The following FBXL4 variants were observed in gnomAD, a reference collection of about 807,000 sequenced individuals.
FBXL4 encodes F-box and leucine rich repeat protein 4.
A neutral mutation model predicts 58.9 loss-of-function variants in FBXL4; 40 were observed. The observed-to-expected ratio is 0.68, with a 90% CI of 0.53 to 0.88. The LOEUF (loss-of-function observed/expected upper bound fraction) is 0.88, where lower values mean the gene tolerates loss of function less well. Ranked by LOEUF, FBXL4 falls within the 40% of genes least tolerant of loss-of-function variation. The pLI is 0.00. For missense variants in FBXL4, 676 were observed against 734.4 expected (o/e 0.92, Z 0.92); for synonymous variants, 263 against 265.5 (o/e 0.99, Z 0.09).
At chr6:98,925,737 C>A (rs559343933) in intron 4 of FBXL4, among the ~76,000 whole-genome samples, 1 of 152,276 alleles carries the variant, frequency 6.6e-6, no homozygotes, top group East Asian at 1.9e-4. Flanking sequence ...GATAAATATG[C>A]TTACTTTTGT....
intron 4 of FBXL4, among the ~76,000 whole-genome samples, chr6:98,920,819 T>TACACACACACAC (rs10633715): frequency 7.6e-5 from 11 of 144,844 alleles, no homozygotes; most frequent in African/African-American, 2.3e-4. Flanking sequence ...TACACACACA[T>TACACACACACAC]ACACACACAC....
chr6:98,921,534 C>T (rs1398875912), intron 4 of FBXL4, among the ~76,000 whole-genome samples: 1 of 151,882 alleles, frequency 6.6e-6, no homozygotes, highest in Non-Finnish European at 1.5e-5. Flanking sequence ...CTATTCACTC[C>T]CTGCCTCCCA....
intron 6 of FBXL4, among the ~76,000 whole-genome samples, chr6:98,904,192 A>C (rs995887499): frequency 6.6e-6 from 1 of 152,174 alleles, no homozygotes; most frequent in Non-Finnish European, 1.5e-5. Flanking sequence ...TGGTCCTATT[A>C]GCAGAGAAAA....
At chr6:98,913,835 TAG>T (rs1772208168) in intron 5 of FBXL4, among the ~76,000 whole-genome samples, 1 of 151,544 alleles carries the variant, frequency 6.6e-6, no homozygotes, top group African/African-American at 2.4e-5. Flanking sequence ...CTGAAGGAAA[TAG>T]AGACATAAAA....
At chr6:98,876,868 A>T (rs1770681696) in intron 8 of FBXL4, among the ~76,000 whole-genome samples, 1 of 152,144 alleles carries the variant, frequency 6.6e-6, no homozygotes. Context: ...TAGACCATGA[A>T]GGAGTTAGAT....
Position 98,927,064 on chromosome 6 carries a change from A to C in FBXL4, c.-72-4T>G, listed in dbSNP as rs948688398. The stretch of plus-strand genomic sequence containing the variant: ...CATGAACTCTTTGAAGGATGTTCTA[A>C]AAAAATGAATGGCTTGGTGAAGTAA... On this transcript the variant is annotated splice_polypyrimidine_tract_variant and splice_region_variant and intron_variant, in intron 3 of 9. Coordinates refer to ENST00000369244, the MANE Select transcript of FBXL4 (RefSeq NM_001278716.2). 3 of 1,429,696 alleles carry C rather than the reference A, an allele frequency of 2.1e-6. No individual in the cohort carries two copies. The African/African-American group carries it at 4.3e-5, about 20-fold the overall frequency. The allele number at this position is 1,429,696 out of a possible 1,614,324, so 88.6% of individuals were successfully genotyped here. A position where few individuals can be genotyped will look rare whatever the true frequency, so the allele number is the denominator to read the frequency against.
intron 1 of FBXL4, among the ~76,000 whole-genome samples, chr6:98,942,967 C>A (rs1330634516): frequency 1.3e-5 from 2 of 152,000 alleles, no homozygotes; most frequent in African/African-American, 4.8e-5. Flanking sequence ...TACAAGGTAA[C>A]CTTGTGATGG....
chr6:98,882,374 C>G (rs1031230952), intron 7 of FBXL4, among the ~76,000 whole-genome samples: 1 of 151,748 alleles, frequency 6.6e-6, no homozygotes, highest in African/African-American at 2.4e-5. Flanking sequence ...ATTATGTATC[C>G]ATAAGTAGCA....
At chr6:98,908,491 G>GTA (rs759736020) in intron 5 of FBXL4, among the ~76,000 whole-genome samples, 1 of 152,090 alleles carries the variant, frequency 6.6e-6, no homozygotes, top group African/African-American at 2.4e-5. Context: ...TATTATGCAT[G>GTA]TATGTTCATC....
At chr6:98,946,741 A>G (rs1773632603) in intron 1 of FBXL4, among the ~76,000 whole-genome samples, 1 of 152,228 alleles carries the variant, frequency 6.6e-6, no homozygotes, top group Non-Finnish European at 1.5e-5. Context: ...GAACATAAGT[A>G]TGGAAAGAAG....
At chr6:98,909,719 T>G (rs1404451964) in intron 5 of FBXL4, among the ~76,000 whole-genome samples, 1 of 152,150 alleles carries the variant, frequency 6.6e-6, no homozygotes, top group Non-Finnish European at 1.5e-5. Context: ...ACACTGTCAG[T>G]ATCTCATGCT....
intron 7 of FBXL4, among the ~76,000 whole-genome samples, chr6:98,896,446 T>C (rs1169678724): frequency 6.6e-6 from 1 of 152,190 alleles, no homozygotes; most frequent in Non-Finnish European, 1.5e-5. Context: ...TGTGGGACTC[T>C]GATACAGATC....
In FBXL4 at chr6:98,873,882, G is replaced by A. The variant is rs1190105094; in HGVS notation, c.*396C>T. The A allele has an allele frequency of 6.4e-6, 1 of 155,542 alleles. No individual in the cohort carries two copies. The highest frequency in any genetic ancestry group is 1.4e-5 in the Non-Finnish European group (1 of 70,598). 9.6% of individuals were successfully genotyped at this position (155,542 alleles called of 1,614,324 possible). A position where few individuals can be genotyped will look rare whatever the true frequency, so the allele number is the denominator to read the frequency against. On this transcript the variant is annotated 3_prime_UTR_variant, in exon 10 of 10. Coordinates refer to ENST00000369244, the MANE Select transcript of FBXL4 (RefSeq NM_001278716.2). ...CAAACAAAACACTTGCCAGGTCACA[G>A]GCTTAATAAGACATCCTTACATGAA...
At chr6:98,901,793 A>G (rs1771621754) in intron 6 of FBXL4, among the ~76,000 whole-genome samples, 1 of 152,262 alleles carries the variant, frequency 6.6e-6, no homozygotes, top group South Asian at 2.1e-4. Context: ...GCATAATTAC[A>G]TATATGTATT....
chr6:98,897,410 T>A, intron 7 of FBXL4: 1 of 922,740 alleles, frequency 1.1e-6, no homozygotes, highest in Middle Eastern at 5.6e-4. Flanking sequence ...AAATAAAAAA[T>A]CTGGAAATCT....
chr6:98,941,057 C>T (rs992890543), intron 1 of FBXL4, among the ~76,000 whole-genome samples: 2 of 152,150 alleles, frequency 1.3e-5, no homozygotes, highest in Non-Finnish European at 2.9e-5. Flanking sequence ...ATCCAGCAAT[C>T]CCATTCCGAG....
chr6:98,932,086 C>T (rs796648129), intron 2 of FBXL4, among the ~76,000 whole-genome samples: 37 of 152,246 alleles, frequency 2.4e-4, no homozygotes, highest in African/African-American at 7.9e-4. Context: ...CTTAATTTGT[C>T]CAAAAGAGTG....
At chr6:98,876,502 T>C (rs558602607) in intron 8 of FBXL4, among the ~76,000 whole-genome samples, 2 of 152,360 alleles carry the variant, frequency 1.3e-5, no homozygotes, top group Non-Finnish European at 2.9e-5. Context: ...ACAATGATTA[T>C]TTCTTTTTGT....
chr6:98,886,922 T>A (rs1771058763), intron 7 of FBXL4, among the ~76,000 whole-genome samples: 1 of 152,184 alleles, frequency 6.6e-6, no homozygotes, highest in African/African-American at 2.4e-5. Context: ...CAGTTTGAGA[T>A]AAATTCCCTA....
Sources: allele counts gnomAD v4.1 joint callset (sites outside exome capture counted in the v4.1 genomes callset), GRCh38; gene constraint gnomAD v4.1.1; transcripts MANE v1.5; gene names NCBI Gene and HGNC (gene_info 2026-07-23, HGNC 2026-07-21).